Variants in ASIC2 observed in about 807,000 individuals in gnomAD.
ASIC2 encodes acid sensing ion channel subunit 2.
ASIC2 carries 25 observed loss-of-function variants against 57.3 expected under a neutral mutation model. The ratio of observed to expected loss-of-function variants is 0.44; its 90% CI spans 0.32 to 0.61. The LOEUF (loss-of-function observed/expected upper bound fraction) is 0.61, where lower values mean the gene tolerates loss of function less well. Among genes scored for constraint, ASIC2 ranks in the 20% least tolerant of loss-of-function variants. ASIC2 has a pLI of 0.06. For synonymous variants in ASIC2, 319 were observed against 307.5 expected (o/e 1.04, Z -0.39); for missense variants, 641 against 738.1 (o/e 0.87, Z 1.52).
intron 1 of ASIC2, among the ~76,000 whole-genome samples, chr17:33,239,455 C>T (rs925744505): frequency 9.2e-5 from 14 of 152,164 alleles, no homozygotes; most frequent in African/African-American, 2.9e-4. Context: ...TATTTGTTTA[C>T]CCTTATACTC....
rs370249715 is a variant in ASIC2, at chr17:33,917,640, A to G, written c.555+238338T>C. 7.2e-5 allele frequency among the ~76,000 whole-genome samples: 11 copies of G among 152,264 alleles called. No homozygotes were observed. The East Asian group carries it at 1.9e-3, about 27-fold the overall frequency. ...CTATTCTCATGAATGAGTCTTTTTAATGAAAATCTTATAATAAACCTCATT... is the reference window on the plus strand; with the variant it reads ...CTATTCTCATGAATGAGTCTTTTTAGTGAAAATCTTATAATAAACCTCATT... On this transcript the variant is annotated intron_variant, in intron 1 of 9. Coordinates refer to the ASIC2 transcript ENST00000359872.
chr17:33,663,791 C>A (rs1391896655), intron 1 of ASIC2, among the ~76,000 whole-genome samples: 2 of 152,148 alleles, frequency 1.3e-5, no homozygotes, highest in African/African-American at 4.8e-5. Context: ...GTCAATGGAT[C>A]TGTGCCCTTC....
intron 1 of ASIC2, among the ~76,000 whole-genome samples, chr17:33,194,211 C>T (rs1567780138): frequency 6.6e-6 from 1 of 152,224 alleles, no homozygotes; most frequent in African/African-American, 2.4e-5. Context: ...TTATTGCTTT[C>T]ACTTTTCTGC....
intron 1 of ASIC2, among the ~76,000 whole-genome samples, chr17:33,175,662 T>G (rs950498538): frequency 5.9e-5 from 9 of 152,050 alleles, no homozygotes; most frequent in African/African-American, 2.2e-4. Context: ...TGTAAAAGCT[T>G]TCTCATTCAT....
chr17:33,752,177 G>A (rs920034502), intron 1 of ASIC2, among the ~76,000 whole-genome samples: 1 of 151,942 alleles, frequency 6.6e-6, no homozygotes, highest in Non-Finnish European at 1.5e-5. Flanking sequence ...AGACTCAGCT[G>A]GTGGCCCTCT....
intron 1 of ASIC2, among the ~76,000 whole-genome samples, chr17:33,865,168 T>C (rs1914197782): frequency 6.6e-6 from 1 of 152,184 alleles, no homozygotes. Context: ...AGGATGTTGA[T>C]GCCCCAGGTT....
intron 3 of ASIC2, among the ~76,000 whole-genome samples, chr17:33,076,978 T>C (rs1272358292): frequency 6.6e-6 from 1 of 152,206 alleles, no homozygotes; most frequent in Non-Finnish European, 1.5e-5. Context: ...AGGGAATGCA[T>C]GCTTTTTTAT....
At chr17:33,047,440 G>A (rs1162464983) in intron 3 of ASIC2, among the ~76,000 whole-genome samples, 2 of 152,032 alleles carry the variant, frequency 1.3e-5, no homozygotes, top group Non-Finnish European at 2.9e-5. Context: ...CTAGGCTCAA[G>A]CAACCCTCCC....
intron 1 of ASIC2, among the ~76,000 whole-genome samples, chr17:33,468,920 G>A (rs147598545): frequency 6.6e-5 from 10 of 152,246 alleles, no homozygotes; most frequent in East Asian, 1.9e-4. Flanking sequence ...TGGACACTGC[G>A]GACTGGACAA....
intron 1 of ASIC2, among the ~76,000 whole-genome samples, chr17:33,650,937 G>A (rs142893400): frequency 4.7e-4 from 72 of 152,330 alleles, no homozygotes; most frequent in African/African-American, 1.6e-3. Flanking sequence ...TGTCCAGGAT[G>A]TGATATTGTA....
intron 1 of ASIC2, chr17:33,131,681 C>G (rs1209570919): frequency 6.6e-6 from 1 of 152,292 alleles, no homozygotes; most frequent in East Asian, 1.9e-4. Context: ...TCCTGTGAGG[C>G]TGGAGGAGGT....
intron 1 of ASIC2, among the ~76,000 whole-genome samples, chr17:33,494,533 G>C (rs1373655775): frequency 1.3e-5 from 2 of 152,186 alleles, no homozygotes; most frequent in Admixed American, 1.3e-4. Context: ...ATTGGGTTTA[G>C]CTCAGGGATG....
intron 1 of ASIC2, among the ~76,000 whole-genome samples, chr17:34,093,480 C>G (rs1236621930): frequency 6.6e-6 from 1 of 152,182 alleles, no homozygotes; most frequent in African/African-American, 2.4e-5. Flanking sequence ...TCGGTTGTGC[C>G]AACTCCTTCC....
At chr17:33,156,151 C>G (rs149208688) in intron 1 of ASIC2, among the ~76,000 whole-genome samples, 1 of 150,076 alleles carries the variant, frequency 6.7e-6, no homozygotes, top group Non-Finnish European at 1.5e-5. Flanking sequence ...TTTTTTTAAC[C>G]GAGTCTCACT....
chr17:33,959,856 A>G (rs1219816560), intron 1 of ASIC2, among the ~76,000 whole-genome samples: 4 of 152,242 alleles, frequency 2.6e-5, no homozygotes, highest in Non-Finnish European at 1.5e-5. Context: ...GATCAAGTTG[A>G]CACTCAATAT....
chr17:34,125,739 A>T (rs753038764), intron 1 of ASIC2, among the ~76,000 whole-genome samples: 1 of 152,186 alleles, frequency 6.6e-6, no homozygotes, highest in African/African-American at 2.4e-5. Context: ...ACAGCCCCAC[A>T]AGTAGTAGGT....
chr17:33,948,081 C>G (rs527686348), intron 1 of ASIC2, among the ~76,000 whole-genome samples: 2 of 152,298 alleles, frequency 1.3e-5, no homozygotes, highest in South Asian at 4.1e-4. Flanking sequence ...GGATTTGAAT[C>G]TAGGTCCATC....
intron 1 of ASIC2, among the ~76,000 whole-genome samples, chr17:33,822,075 G>A (rs1335086839): frequency 6.6e-6 from 1 of 152,156 alleles, no homozygotes; most frequent in East Asian, 1.9e-4. Flanking sequence ...CTCTCTAAAC[G>A]TCAGCTTCAT....
At chr17:33,025,063 T>A (rs1257952597) in intron 5 of ASIC2, among the ~76,000 whole-genome samples, 1 of 152,132 alleles carries the variant, frequency 6.6e-6, no homozygotes, top group Non-Finnish European at 1.5e-5. Flanking sequence ...ACATCAGAAG[T>A]CACTCCCTCT....
Sources: gnomAD v4.1 joint callset for allele counts (sites outside exome capture counted in the v4.1 genomes callset) on GRCh38, gnomAD v4.1.1 for gene constraint, MANE v1.5 for transcripts, NCBI Gene and HGNC (gene_info 2026-07-23, HGNC 2026-07-21) for gene names.